Variants in KIAA1671 observed in about 807,000 individuals in gnomAD.
The protein encoded by KIAA1671 is uncharacterized protein KIAA1671.
A neutral mutation model predicts 131.2 loss-of-function variants in KIAA1671; 52 were observed. The ratio of observed to expected loss-of-function variants is 0.40; its 90% CI spans 0.32 to 0.50. The LOEUF (loss-of-function observed/expected upper bound fraction) is 0.50. KIAA1671 is among the 20% of genes least tolerant of loss of function. The pLI is 0.73. For missense variants in KIAA1671, 2,360 were observed against 2,364.2 expected, an observed-to-expected ratio of 1.00 and a Z score of 0.04; for synonymous variants, 1,003 against 961.6, an observed-to-expected ratio of 1.04 and a Z score of -0.80.
At chr22:25,161,651 C>T (rs995503202) in intron 6 of KIAA1671, among the ~76,000 whole-genome samples, 2 of 152,186 alleles carry the variant, frequency 1.3e-5, no homozygotes, top group African/African-American at 4.8e-5. Flanking sequence ...GCACGTGTGC[C>T]GAGGCCTTGC....
chr22:25,050,437 C>T (rs1927474966), intron 6 of KIAA1671: 1 of 152,296 alleles, frequency 6.6e-6, no homozygotes, highest in Non-Finnish European at 1.5e-5. Context: ...ACAAAGGCCT[C>T]TTTGGTTGCT....
intron 6 of KIAA1671, chr22:25,103,009 C>G (rs1930774194): frequency 6.6e-6 from 1 of 152,540 alleles, no homozygotes. Context: ...GGCCAGTCGA[C>G]AAGAAAGGGA....
chr22:25,015,709 C>A lies in KIAA1671; in HGVS notation c.-207-9924C>A, dbSNP rs370554660. On this transcript the variant is annotated intron_variant, in intron 1 of 12. Coordinates refer to ENST00000358431, the MANE Select transcript of KIAA1671 (RefSeq NM_001145206.2). ...GCATTTCTCACAGTCTTTTAATATA[C>A]CACAGAATGCTTCTGTGGGTAATGG... is the stretch of plus-strand genomic sequence containing the variant. 4.7e-3 allele frequency among the ~76,000 whole-genome samples: 668 copies of A among 141,046 alleles called. 6 individuals are homozygous for A. Among genetic ancestry groups the A allele is most frequent in the African/African-American group, 0.016 (628 of 39,176 alleles). 92.5% of individuals were successfully genotyped at this position (141,046 alleles called of 152,430 possible).
intron 1 of KIAA1671, among the ~76,000 whole-genome samples, chr22:24,995,569 A>G (rs1002266876): frequency 5.3e-5 from 8 of 151,662 alleles, no homozygotes; most frequent in Non-Finnish European, 1.0e-4. Context: ...CACGTTGCCC[A>G]GGATGGTCTC....
intron 1 of KIAA1671, among the ~76,000 whole-genome samples, chr22:25,020,455 TTTC>T (rs1925604087): frequency 6.6e-6 from 1 of 152,194 alleles, no homozygotes; most frequent in African/African-American, 2.4e-5. Flanking sequence ...TGAATATTAT[TTTC>T]TTCTCTTCAG....
At chr22:25,013,779 C>G (rs1280395668) in intron 1 of KIAA1671, 1 of 152,210 alleles carries the variant, frequency 6.6e-6, no homozygotes, top group Admixed American at 6.5e-5. Flanking sequence ...TCCAGACTCA[C>G]TTGTCTCTGT....
chr22:25,196,794 G>GA lies in KIAA1671; in HGVS notation c.*4393_*4394insA, dbSNP rs1934842807. The GA allele has an allele frequency of 6.6e-6, 1 of 151,958 alleles. No homozygotes were observed. Among genetic ancestry groups the GA allele is most frequent in the Non-Finnish European group, 1.5e-5 (1 of 67,986 alleles). The allele number at this position is 151,958 out of a possible 1,614,324, so 9.4% of individuals were successfully genotyped here. ...AGCCTTATAGATCCTGTAAATAGGGGGGGTCACAAAAGTAATATATTGTGT... is the reference window on the plus strand; with the variant it reads ...AGCCTTATAGATCCTGTAAATAGGGGAGGGTCACAAAAGTAATATATTGTGT... On this transcript the variant is annotated 3_prime_UTR_variant, in exon 13 of 13. Coordinates refer to ENST00000358431, the MANE Select transcript of KIAA1671 (RefSeq NM_001145206.2).
At position 25,084,347 on chromosome 22, in the gene KIAA1671, C is replaced by T. The variant is rs1309143880; in HGVS notation, c.4530+34983C>T. On this transcript the variant is annotated intron_variant, in intron 6 of 12. Transcript: ENST00000358431. ...AAAATTAGCCAGGCATGGTGGCGCA[C>T]GCCTGTAATCCCAGCTACTCAGGAG... 5.3e-5 allele frequency among the ~76,000 whole-genome samples: 8 copies of T among 151,448 alleles called. No homozygotes were observed. The South Asian group carries it at 1.3e-3, about 24-fold the overall frequency.
chr22:25,028,243 C>G lies in KIAA1671; in HGVS notation c.244C>G (p.Pro82Ala). 6.4e-7 allele frequency: 1 copy of G among 1,551,674 alleles called. No individual in the cohort carries two copies. The highest frequency in any genetic ancestry group is 8.7e-7 in the Non-Finnish European group (1 of 1,146,996). Residue 82 changes from proline to alanine, a missense_variant, in exon 3 of 13, where the codon CCG (proline) becomes GCG (alanine). Transcript: ENST00000358431. The part of the protein sequence containing the change: ...SKEQDVKSPV[P>A]SLRPSSTGPS... ...GGAGCAGGACGTGAAATCTCCTGTC[C>G]CGTCTCTGCGGCCCAGTTCGACTGG...
intron 6 of KIAA1671, among the ~76,000 whole-genome samples, chr22:25,084,803 A>G (rs918523790): frequency 6.6e-6 from 1 of 152,242 alleles, no homozygotes; most frequent in African/African-American, 2.4e-5. Flanking sequence ...AAAACCATCT[A>G]GAGTCTTCTT....
intron 1 of KIAA1671, among the ~76,000 whole-genome samples, chr22:25,016,402 C>T (rs1447250292): frequency 6.6e-6 from 1 of 152,114 alleles, no homozygotes; most frequent in African/African-American, 2.4e-5. Context: ...GGGAATGTGT[C>T]AGTTGCAGAG....
intron 6 of KIAA1671, among the ~76,000 whole-genome samples, chr22:25,125,659 C>T (rs879559000): frequency 1.3e-5 from 2 of 152,234 alleles, no homozygotes; most frequent in Non-Finnish European, 2.9e-5. Context: ...GGCCTCTGCC[C>T]ACTAGATGCC....
intron 1 of KIAA1671, among the ~76,000 whole-genome samples, chr22:24,977,764 G>A (rs879680539): frequency 1.6e-4 from 24 of 152,180 alleles, no homozygotes; most frequent in Non-Finnish European, 3.4e-4. Flanking sequence ...CTGGGCTCTG[G>A]GCAGGGACAT....
intron 5 of KIAA1671, among the ~76,000 whole-genome samples, chr22:25,045,227 T>C (rs1927158837): frequency 6.6e-6 from 1 of 152,186 alleles, no homozygotes; most frequent in Non-Finnish European, 1.5e-5. Context: ...CTTTAAATAT[T>C]GAGCGTGGTG....
At chr22:25,117,572 G>A (rs1404919347) in intron 6 of KIAA1671, among the ~76,000 whole-genome samples, 13 of 130,468 alleles carry the variant, frequency 1.0e-4, no homozygotes, top group South Asian at 2.5e-4. Context: ...GCAGGGCTCA[G>A]CATCTCCCCC....
At chr22:25,154,393 AG>A (rs1933154832) in intron 6 of KIAA1671, among the ~76,000 whole-genome samples, 2 of 152,372 alleles carry the variant, frequency 1.3e-5, no homozygotes, top group South Asian at 4.1e-4. Context: ...CAGGACAGAC[AG>A]GAACCACTGC....
chr22:24,993,727 G>A (rs572362785), intron 1 of KIAA1671, among the ~76,000 whole-genome samples: 1 of 152,286 alleles, frequency 6.6e-6, no homozygotes, highest in South Asian at 2.1e-4. Flanking sequence ...ATGGAGTATG[G>A]CACATAATAG....
In KIAA1671 at chr22:25,039,411, A is replaced by G; in HGVS notation, c.2281A>G (p.Ser761Gly). 1 of 1,551,800 alleles carries G rather than the reference A, an allele frequency of 6.4e-7. No individual in the cohort carries two copies. The highest frequency in any genetic ancestry group is 1.2e-5 in the South Asian group (1 of 84,066). ...APEEKAVTLRSLRSWLSLKDR... is the reference protein window; with the variant it reads ...APEEKAVTLRGLRSWLSLKDR... ...GGAGGAGAAAGCGGTCACGCTCCGC[A>G]GCCTCAGGTCTTGGCTCTCACTGAA... The change falls in exon 5 of 13, where the codon AGC becomes GGC. Residue 761 changes from serine to glycine, a missense_variant. Physicochemically the swap from Ser to Gly is moderately conservative, Grantham distance 56. Around this residue, in one of 3 missense-constraint regions of KIAA1671, gnomAD observed 1,185 missense variants for 1,126.2 expected, o/e 1.05. Coordinates refer to ENST00000358431, the MANE Select transcript of KIAA1671 (RefSeq NM_001145206.2).
chr22:24,973,389 GT>G (rs57519039), intron 1 of KIAA1671, among the ~76,000 whole-genome samples: 16 of 71,686 alleles, frequency 2.2e-4, no homozygotes, highest in African/African-American at 7.2e-4. Context: ...GCATATGATG[GT>G]TTTTTTTTTT....
Sources: gnomAD v4.1 joint callset for allele counts (sites outside exome capture counted in the v4.1 genomes callset) on GRCh38, gnomAD v4.1.1 for gene constraint, gnomAD v4.1.1 regional missense constraint, MANE v1.5 for transcripts, NCBI Gene and HGNC (gene_info 2026-07-23, HGNC 2026-07-21) for gene names.